SGCZ: variants seen among roughly 807,000 people sequenced by gnomAD.
SGCZ encodes sarcoglycan zeta.
Under a neutral mutation model 41.3 loss-of-function variants are expected in SGCZ, and 40 were observed. The observed-to-expected ratio is 0.97, with a 90% CI of 0.75 to 1.26. SGCZ has a LOEUF of 1.26. Ranked by LOEUF, SGCZ falls within the 50% of genes most tolerant of loss-of-function variation. The pLI, the probability that SGCZ is intolerant of heterozygous loss-of-function variation, is 0.00. For missense variants in SGCZ, 552 were observed against 369.8 expected (o/e 1.49, Z -4.04); for synonymous variants, 206 against 137.5 (o/e 1.50, Z -3.49).
intron 1 of SGCZ, among the ~76,000 whole-genome samples, chr8:15,205,785 T>TCATTTTACCATAAAGA (rs1801040382): frequency 6.6e-6 from 1 of 152,154 alleles, no homozygotes; most frequent in Non-Finnish European, 1.5e-5. Context: ...GGAATGTACA[T>TCATTTTACCATAAAGA]CATTTTACCA....
intron 1 of SGCZ, among the ~76,000 whole-genome samples, chr8:14,637,104 CTCCTT>C (rs552014000): frequency 3.8e-4 from 58 of 151,288 alleles, no homozygotes; most frequent in African/African-American, 1.2e-3. Flanking sequence ...TCATTTTTTG[CTCCTT>C]TCCTTAAAGA....
At chr8:14,423,734 GCTTCT>G (rs1372430511) in intron 2 of SGCZ, among the ~76,000 whole-genome samples, 3 of 151,988 alleles carry the variant, frequency 2.0e-5, no homozygotes, top group African/African-American at 4.8e-5. Context: ...ATTTCATTTT[GCTTCT>G]CTTAATTTTC....
chr8:14,593,377 A>G (rs1194784147), intron 1 of SGCZ, among the ~76,000 whole-genome samples: 1 of 152,176 alleles, frequency 6.6e-6, no homozygotes, highest in Non-Finnish European at 1.5e-5. Flanking sequence ...TTGACCCTCC[A>G]GCAGACACAG....
At position 15,100,521 on chromosome 8, in the gene SGCZ, T is replaced by C. The variant is rs1806566274; in HGVS notation, c.39+137064A>G. Among the ~76,000 whole-genome samples, 3 of 152,196 alleles carry C rather than the reference T, an allele frequency of 2.0e-5. No homozygotes were observed. The South Asian group carries it at 6.2e-4, about 32-fold the overall frequency. On this transcript the variant is annotated intron_variant, in intron 1 of 7. Coordinates refer to ENST00000382080, the MANE Select transcript of SGCZ (RefSeq NM_139167.4). ...AAGACTCAATATTAAGAAGTTAGTT[T>C]TTCCCAACTTTATCTGTAGATTCAA...
chr8:15,108,680 A>T (rs4383970), intron 1 of SGCZ, among the ~76,000 whole-genome samples: 73,020 of 151,998 alleles, frequency 0.48, 18,556 homozygotes, highest in African/African-American at 0.66. Flanking sequence ...TCTAAACCTG[A>T]TTCCACAGTG....
chr8:14,238,254 A>G (rs6530737), intron 3 of SGCZ, among the ~76,000 whole-genome samples: 108,259 of 152,128 alleles, frequency 0.71, 38,910 homozygotes, highest in South Asian at 0.82. Flanking sequence ...AAAAGGAAAG[A>G]TCCAGGGACA....
At chr8:14,407,065 C>CTTTTT (rs67046431) in intron 2 of SGCZ, among the ~76,000 whole-genome samples, 2 of 87,168 alleles carry the variant, frequency 2.3e-5, no homozygotes, top group Non-Finnish European at 4.5e-5. Flanking sequence ...ATGAGTTTTC[C>CTTTTT]TTTTTTTTTT....
At chr8:14,561,530 C>A (rs922525405) in intron 1 of SGCZ, among the ~76,000 whole-genome samples, 9 of 152,122 alleles carry the variant, frequency 5.9e-5, no homozygotes, top group African/African-American at 2.2e-4. Context: ...TTCTTGGCTA[C>A]TTACAGTAAC....
At chr8:14,924,712 A>T (rs897187338) in intron 1 of SGCZ, among the ~76,000 whole-genome samples, 7 of 152,150 alleles carry the variant, frequency 4.6e-5, no homozygotes, top group Admixed American at 1.3e-4. Context: ...AAATTCCCCA[A>T]ATATTTTTCA....
intron 4 of SGCZ, among the ~76,000 whole-genome samples, chr8:14,175,820 G>A (rs903195530): frequency 6.6e-6 from 1 of 151,890 alleles, no homozygotes; most frequent in Non-Finnish European, 1.5e-5. Flanking sequence ...TCCAATCATT[G>A]GTAGTTTATA....
At chr8:14,549,129 C>T (rs1803720963) in intron 2 of SGCZ, among the ~76,000 whole-genome samples, 2 of 151,304 alleles carry the variant, frequency 1.3e-5, no homozygotes, top group African/African-American at 4.9e-5. Context: ...TGGAAAATAG[C>T]GACTTTAAGT....
intron 1 of SGCZ, among the ~76,000 whole-genome samples, chr8:14,772,300 T>C (rs916859142): frequency 3.3e-5 from 5 of 152,090 alleles, no homozygotes; most frequent in South Asian, 4.1e-4. Context: ...TATAGTGACA[T>C]AAACCCATCC....
At chr8:14,448,965 T>A (rs1174303143) in intron 2 of SGCZ, among the ~76,000 whole-genome samples, 2 of 152,192 alleles carry the variant, frequency 1.3e-5, no homozygotes, top group African/African-American at 4.8e-5. Flanking sequence ...GACCACTCAG[T>A]TTTTATTCAA....
intron 2 of SGCZ, among the ~76,000 whole-genome samples, chr8:14,416,713 C>T (rs904571554): frequency 6.6e-6 from 1 of 151,846 alleles, no homozygotes; most frequent in Non-Finnish European, 1.5e-5. Context: ...CTGTAGGAAA[C>T]GTGTGGCAGC....
intron 1 of SGCZ, among the ~76,000 whole-genome samples, chr8:15,149,567 A>C (rs1799122210): frequency 6.6e-6 from 1 of 152,152 alleles, no homozygotes; most frequent in African/African-American, 2.4e-5. Context: ...TTAAGGATGG[A>C]ATTTTCAATG....
intron 2 of SGCZ, among the ~76,000 whole-genome samples, chr8:14,449,252 T>A (rs979512963): frequency 6.6e-6 from 1 of 152,210 alleles, no homozygotes; most frequent in African/African-American, 2.4e-5. Flanking sequence ...ACTTGTTCTA[T>A]TTCTAAACAA....
intron 1 of SGCZ, among the ~76,000 whole-genome samples, chr8:14,725,122 T>C (rs1328227935): frequency 1.3e-5 from 2 of 152,192 alleles, no homozygotes; most frequent in African/African-American, 4.8e-5. Context: ...GCTTGGCTTA[T>C]TTCACTTAAC....
At chr8:14,875,546 C>A (rs971916541) in intron 1 of SGCZ, among the ~76,000 whole-genome samples, 1 of 152,038 alleles carries the variant, frequency 6.6e-6, no homozygotes, top group South Asian at 2.1e-4. Flanking sequence ...GAGAACAATA[C>A]GAAAAGCACG....
At chr8:14,638,024 T>C (rs578195566) in intron 1 of SGCZ, among the ~76,000 whole-genome samples, 1 of 151,878 alleles carries the variant, frequency 6.6e-6, no homozygotes, top group South Asian at 2.1e-4. Context: ...TAGTCTGAGG[T>C]TATATTTCAT....
Sources: gnomAD v4.1 joint callset for allele counts (sites outside exome capture counted in the v4.1 genomes callset) on GRCh38, gnomAD v4.1.1 for gene constraint, MANE v1.5 for transcripts, NCBI Gene and HGNC (gene_info 2026-07-23, HGNC 2026-07-21) for gene names.